The following DCLK2 variants were observed in gnomAD, a reference collection of about 807,000 sequenced individuals.
The protein encoded by DCLK2 is serine/threonine-protein kinase DCLK2.
In DCLK2, 31 loss-of-function variants were observed where a neutral mutation model predicts 78.4. The observed-to-expected ratio is 0.40, with a 90% confidence interval of 0.30 to 0.53. DCLK2 has a LOEUF of 0.53. Ranked by LOEUF, DCLK2 falls within the 20% of genes least tolerant of loss-of-function variation. The pLI is 0.61. For synonymous variants in DCLK2, 407 were observed against 374.9 expected (o/e 1.09, Z -0.99); for missense variants, 872 against 973.7 (o/e 0.90, Z 1.39).
intron 1 of DCLK2, among the ~76,000 whole-genome samples, chr4:150,100,534 T>TA (rs1023231720): frequency 1.3e-4 from 20 of 152,046 alleles, no homozygotes; most frequent in Admixed American, 2.0e-4. Context: ...CTGCCCTTTT[T>TA]AAAAAAAATT....
chr4:150,250,467 AAGCC>A (rs1035279834), intron 15 of DCLK2, among the ~76,000 whole-genome samples: 22 of 152,184 alleles, frequency 1.4e-4, no homozygotes, highest in African/African-American at 4.6e-4. Flanking sequence ...GAGCAGGTAG[AAGCC>A]AGCCAGCCAC....
intron 1 of DCLK2, among the ~76,000 whole-genome samples, chr4:150,091,863 G>A (rs756280161): frequency 5.3e-5 from 8 of 151,350 alleles, no homozygotes; most frequent in East Asian, 1.9e-4. Context: ...TAAGTGCAAC[G>A]TATGGTAGTA....
chr4:150,244,109 G>A lies in DCLK2; in HGVS notation c.1779-3494G>A, dbSNP rs935263203. 9.2e-5 allele frequency among the ~76,000 whole-genome samples: 14 copies of A among 151,618 alleles called. 1 individual carries two copies. Among genetic ancestry groups the A allele is most frequent in the Admixed American group, 9.2e-4 (14 of 15,226 alleles). On this transcript the variant is annotated intron_variant, in intron 12 of 15. Coordinates refer to ENST00000296550, the MANE Select transcript of DCLK2 (RefSeq NM_001040260.4). ...CCACTATATTGCACTAGTTGTTGAA[G>A]TTTTTCGTTGAGATGGGGTCTTGCA... is the stretch of plus-strand genomic sequence containing the variant.
intron 5 of DCLK2, among the ~76,000 whole-genome samples, chr4:150,205,822 G>C (rs886714567): frequency 1.3e-5 from 2 of 152,216 alleles, no homozygotes; most frequent in Non-Finnish European, 2.9e-5. Flanking sequence ...TTCTAGGGCA[G>C]ATCTAGGGTA....
At chr4:150,130,020 A>G (rs765688120) in intron 2 of DCLK2, among the ~76,000 whole-genome samples, 11 of 152,152 alleles carry the variant, frequency 7.2e-5, no homozygotes, top group Non-Finnish European at 1.5e-5. Context: ...ATCTAGAGCA[A>G]TTTAGCACTG....
intron 5 of DCLK2, among the ~76,000 whole-genome samples, chr4:150,216,638 C>CA (rs1227901851): frequency 7.4e-4 from 111 of 149,964 alleles, no homozygotes; most frequent in Middle Eastern, 3.5e-3. Flanking sequence ...GACTCCGTCT[C>CA]AAAAAAAAAA....
At position 150,084,213 on chromosome 4, in the gene DCLK2, C is replaced by G. The variant is rs557245608; in HGVS notation, c.421+4765C>G. ...TGTTTTTGCACTCAACTGAGAGAAG[C>G]CTGAGGTCAGGGATCTTAAATACAG... On this transcript the variant is annotated intron_variant, in intron 1 of 15. Transcript: ENST00000296550. Among the ~76,000 whole-genome samples the G allele has an allele frequency of 3.9e-5, 6 of 152,290 alleles. No homozygotes were observed. The South Asian group carries it at 1.2e-3, about 32-fold the overall frequency.
At chr4:150,134,342 A>G (rs1733549065) in intron 2 of DCLK2, among the ~76,000 whole-genome samples, 1 of 152,042 alleles carries the variant, frequency 6.6e-6, no homozygotes, top group South Asian at 2.1e-4. Flanking sequence ...TCGGCCTCCC[A>G]AAGTGCTGGG....
At chr4:150,104,612 A>T (rs1731126586) in intron 2 of DCLK2, among the ~76,000 whole-genome samples, 1 of 152,082 alleles carries the variant, frequency 6.6e-6, no homozygotes, top group African/African-American at 2.4e-5. Flanking sequence ...TATTTAAAGG[A>T]TGGCTTACTA....
chr4:150,109,422 C>T (rs1211842378), intron 2 of DCLK2, among the ~76,000 whole-genome samples: 1 of 151,698 alleles, frequency 6.6e-6, no homozygotes, highest in African/African-American at 2.4e-5. Flanking sequence ...GCAGTCTCTG[C>T]CTCCCTGGTT....
chr4:150,254,181 C>T (rs566289774), intron 15 of DCLK2, among the ~76,000 whole-genome samples: 20 of 152,340 alleles, frequency 1.3e-4, no homozygotes, highest in African/African-American at 4.3e-4. Context: ...GAGAAGCCGC[C>T]GTCACTCGGC....
intron 1 of DCLK2, among the ~76,000 whole-genome samples, chr4:150,100,621 G>C (rs955839708): frequency 6.6e-6 from 1 of 152,100 alleles, no homozygotes; most frequent in South Asian, 2.1e-4. Flanking sequence ...TTTTATGATA[G>C]ATAAAAATAG....
intron 8 of DCLK2, among the ~76,000 whole-genome samples, chr4:150,228,733 A>G (rs1741801536): frequency 6.6e-6 from 1 of 152,198 alleles, no homozygotes; most frequent in African/African-American, 2.4e-5. Flanking sequence ...TTCCAGATAA[A>G]ACTATGGCTG....
At chr4:150,201,352 G>A (rs1739436972) in intron 4 of DCLK2, among the ~76,000 whole-genome samples, 1 of 152,096 alleles carries the variant, frequency 6.6e-6, no homozygotes, top group East Asian at 1.9e-4. Context: ...AGGGGGAGAG[G>A]TCATGACATG....
intron 1 of DCLK2, among the ~76,000 whole-genome samples, chr4:150,101,308 T>C (rs1730874763): frequency 6.6e-6 from 1 of 152,158 alleles, no homozygotes; most frequent in Admixed American, 6.5e-5. Context: ...TATCTGTCAC[T>C]GAATTATTCA....
intron 1 of DCLK2, among the ~76,000 whole-genome samples, chr4:150,095,678 A>G (rs1730407030): frequency 6.6e-6 from 1 of 152,186 alleles, no homozygotes. Flanking sequence ...TTAACTTAGC[A>G]CTAGATAATG....
chr4:150,123,650 C>T (rs528541840), intron 2 of DCLK2, among the ~76,000 whole-genome samples: 8 of 152,160 alleles, frequency 5.3e-5, no homozygotes, highest in Admixed American at 2.0e-4. Flanking sequence ...AACTTCCATT[C>T]GTAAAAAGCT....
intron 15 of DCLK2, among the ~76,000 whole-genome samples, chr4:150,254,801 C>T (rs952079119): frequency 1.3e-5 from 2 of 152,162 alleles, no homozygotes; most frequent in Admixed American, 6.5e-5. Context: ...CTGCCTCAGC[C>T]TCCAAGTAGC....
At chr4:150,153,588 T>A (rs1262735994) in intron 2 of DCLK2, among the ~76,000 whole-genome samples, 1 of 151,944 alleles carries the variant, frequency 6.6e-6, no homozygotes. Flanking sequence ...TTTTAAATAA[T>A]TTTTTAGTAG....
Sources: gnomAD v4.1 joint callset for allele counts (sites outside exome capture counted in the v4.1 genomes callset) on GRCh38, gnomAD v4.1.1 for gene constraint, MANE v1.5 for transcripts, NCBI Gene and HGNC (gene_info 2026-07-23, HGNC 2026-07-21) for gene names.